The following RELN variants were observed in gnomAD, a reference collection of about 807,000 sequenced individuals.
The protein encoded by RELN is reelin.
RELN carries 108 observed loss-of-function variants against 427.6 expected under a neutral mutation model. The ratio of observed to expected loss-of-function variants is 0.25; its 90% confidence interval spans 0.22 to 0.30. RELN has a LOEUF of 0.30. Ranked by LOEUF, RELN falls within the 10% of genes least tolerant of loss-of-function variation. The pLI, the probability that RELN is intolerant of heterozygous loss-of-function variation, is 1.00. For missense variants in RELN, 3,715 were observed against 4,302.8 expected (o/e 0.86, Z 3.82); for synonymous variants, 1,524 against 1,513.4 (o/e 1.01, Z -0.16).
At chr7:103,757,596 G>A in intron 4 of RELN, among the ~76,000 whole-genome samples, 1 of 152,154 alleles carries the variant, frequency 6.6e-6, no homozygotes, top group East Asian at 1.9e-4. Flanking sequence ...TAAAGAAGTG[G>A]GTTTTGGTTT....
At chr7:103,488,545 T>C (rs1008418861) in intron 60 of RELN, among the ~76,000 whole-genome samples, 1 of 152,166 alleles carries the variant, frequency 6.6e-6, no homozygotes, top group African/African-American at 2.4e-5. Flanking sequence ...ATTAATCATA[T>C]CCATTTGATT....
chr7:103,947,532 G>A (rs1003922295), intron 1 of RELN, among the ~76,000 whole-genome samples: 10 of 152,162 alleles, frequency 6.6e-5, no homozygotes, highest in African/African-American at 2.4e-4. Context: ...AAAAGGCCTG[G>A]AATAGATCAT....
intron 19 of RELN, 120 bp downstream of exon 19, chr7:103,635,305 A>C: frequency 9.1e-7 from 1 of 1,094,852 alleles, no homozygotes; most frequent in Non-Finnish European, 1.3e-6. Context: ...AGACACATCA[A>C]TCTTTGTGCG....
At chr7:103,733,630 G>C (rs867275617) in intron 6 of RELN, among the ~76,000 whole-genome samples, 43 of 141,242 alleles carry the variant, frequency 3.0e-4, no homozygotes, top group South Asian at 1.6e-3. Flanking sequence ...ATGAGTTCAT[G>C]TCCTTTGTAG....
chr7:103,840,312 C>G (rs950287105), intron 2 of RELN, among the ~76,000 whole-genome samples: 15 of 152,170 alleles, frequency 9.9e-5, no homozygotes, highest in African/African-American at 3.1e-4. Flanking sequence ...GAGACTGGAA[C>G]TGGGTCTTAA....
chr7:103,876,838 A>C (rs1210133854), intron 2 of RELN, among the ~76,000 whole-genome samples: 5 of 145,752 alleles, frequency 3.4e-5, no homozygotes, highest in Non-Finnish European at 6.1e-5. Flanking sequence ...TTTAGGCTTA[A>C]ATTTTTTTTT....
intron 10 of RELN, among the ~76,000 whole-genome samples, chr7:103,686,682 C>T (rs1833771243): frequency 6.6e-6 from 1 of 152,054 alleles, no homozygotes; most frequent in Non-Finnish European, 1.5e-5. Context: ...TGGAAATTGA[C>T]TAATTTATAG....
chr7:103,572,045 G>A (rs1399461018), intron 31 of RELN, 139 bp downstream of exon 31: 17 of 687,316 alleles, frequency 2.5e-5, no homozygotes, highest in African/African-American at 5.3e-5. Context: ...TGCAGCCACC[G>A]ATTCTACAAA....
chr7:103,575,217 G>A (rs1206367384), intron 29 of RELN, among the ~76,000 whole-genome samples: 2 of 152,132 alleles, frequency 1.3e-5, no homozygotes, highest in Admixed American at 6.5e-5. Flanking sequence ...CTATGACAGA[G>A]TTATTGTTAG....
chr7:103,596,770 T>C (rs1831547596), intron 24 of RELN, 109 bp from the exon 25 acceptor site: 1 of 924,522 alleles, frequency 1.1e-6, no homozygotes, highest in Non-Finnish European at 1.7e-6. Flanking sequence ...GGAAATGGTC[T>C]CGTCCCCATT....
At position 103,988,724 on chromosome 7, in the gene RELN, G is replaced by C. The variant is rs1242267145; in HGVS notation, c.226+407C>G. On this transcript the variant is annotated intron_variant, in intron 1 of 64. Transcript: ENST00000428762. The surrounding 1 kb of genome is among the most constrained non-coding windows in gnomAD (Gnocchi z 4.9). Reference sequence around the variant, plus strand: ...GCAAAGCCCAGCGACAGCCCCCAACGCCCCCCCGGGGACCCATCTGGGGGG... The same window carrying C: ...GCAAAGCCCAGCGACAGCCCCCAACCCCCCCCCGGGGACCCATCTGGGGGG... Among the ~76,000 whole-genome samples, 1 of 151,984 alleles carries C rather than the reference G, an allele frequency of 6.6e-6. No individual in the cohort carries two copies. The highest frequency in any genetic ancestry group is 2.4e-5 in the African/African-American group (1 of 41,372).
intron 48 of RELN, among the ~76,000 whole-genome samples, chr7:103,521,149 T>C (rs1829700356): frequency 6.6e-6 from 1 of 150,474 alleles, no homozygotes; most frequent in Admixed American, 6.6e-5. Context: ...GCTAATTTTT[T>C]TTTGTATTTT....
chr7:103,869,414 G>C (rs942440838), intron 2 of RELN, among the ~76,000 whole-genome samples: 6 of 151,826 alleles, frequency 4.0e-5, no homozygotes, highest in Non-Finnish European at 7.4e-5. Context: ...TTATCTAAAA[G>C]AATGTTGTCT....
At chr7:103,837,251 G>A (rs1466482459) in intron 2 of RELN, among the ~76,000 whole-genome samples, 2 of 152,120 alleles carry the variant, frequency 1.3e-5, no homozygotes, top group Non-Finnish European at 2.9e-5. Flanking sequence ...AGGCATACAT[G>A]ATCATGTCAA....
chr7:103,732,909 CTTTAG>C (rs1160406874), intron 6 of RELN, among the ~76,000 whole-genome samples: 1 of 152,004 alleles, frequency 6.6e-6, no homozygotes, highest in Non-Finnish European at 1.5e-5. Context: ...TGCAGAAGCT[CTTTAG>C]TTTAATTAGA....
intron 19 of RELN, among the ~76,000 whole-genome samples, chr7:103,633,730 T>C (rs1323800257): frequency 1.3e-5 from 2 of 152,174 alleles, no homozygotes; most frequent in Non-Finnish European, 2.9e-5. Flanking sequence ...ATAGATTGAT[T>C]ACTGAATTTT....
At chr7:103,537,580 C>T (rs141407174) in intron 45 of RELN, among the ~76,000 whole-genome samples, 1,577 of 152,296 alleles carry the variant, frequency 0.01, 8 homozygotes, top group Non-Finnish European at 0.015. Flanking sequence ...ACTGGGCTTA[C>T]GAGGGCAAAA....
At chr7:103,821,569 A>C (rs1182775901) in intron 3 of RELN, among the ~76,000 whole-genome samples, 1 of 152,172 alleles carries the variant, frequency 6.6e-6, no homozygotes, top group East Asian at 1.9e-4. Context: ...TTTAGCTTTT[A>C]TCCTCAAAGT....
chr7:103,492,855 G>T (rs1201678363), intron 57 of RELN, among the ~76,000 whole-genome samples: 2 of 152,136 alleles, frequency 1.3e-5, no homozygotes, highest in African/African-American at 2.4e-5. Context: ...ATAGGAAAAA[G>T]ATATTTAGGT....
Sources: gnomAD v4.1 joint callset for allele counts (sites outside exome capture counted in the v4.1 genomes callset) on GRCh38, gnomAD v4.1.1 for gene constraint, Gnocchi (gnomAD v3.1) non-coding constraint, MANE v1.5 for transcripts, NCBI Gene and HGNC (gene_info 2026-07-23, HGNC 2026-07-21) for gene names.